VPS53: variants seen among roughly 807,000 people sequenced by gnomAD.
The protein encoded by VPS53 is vacuolar protein sorting-associated protein 53 homolog.
A neutral mutation model predicts 107.0 loss-of-function variants in VPS53; 70 were observed. The ratio of observed to expected loss-of-function variants is 0.65; its 90% CI spans 0.54 to 0.80. The LOEUF is 0.80. Ranked by LOEUF, VPS53 falls within the 30% of genes least tolerant of loss-of-function variation. The pLI is 0.00. For missense variants in VPS53, 917 were observed against 1,049.4 expected (o/e 0.87, Z 1.74); for synonymous variants, 409 against 393.3 (o/e 1.04, Z -0.47).
At position 681,307 on chromosome 17, in the gene VPS53, T is replaced by C. The variant is rs1337568467; in HGVS notation, c.285+16111A>G. 2.0e-5 allele frequency among the ~76,000 whole-genome samples: 3 copies of C among 152,204 alleles called. No individual in the cohort carries two copies. In the East Asian group the frequency reaches 5.8e-4, roughly 29 times the overall value. On this transcript the variant is annotated intron_variant, in intron 4 of 21. Transcript: ENST00000437048. ...GCATGCCACCACACTCAGCTAACTT[T>C]TGTATTTTTAGTAGAGACATGGTTT...
At chr17:608,621 TC>T (rs200531242) in intron 11 of VPS53, among the ~76,000 whole-genome samples, 2,821 of 144,294 alleles carry the variant, frequency 0.02, 71 homozygotes, top group East Asian at 0.065. Context: ...TCTTTTCTTT[TC>T]TTTTTTTTTT....
rs757159297 is a variant in VPS53, at chr17:710,630, G to A, written c.88-17C>T. 2.6e-5 allele frequency: 40 copies of A among 1,564,828 alleles called. No individual in the cohort carries two copies. Among genetic ancestry groups the A allele is most frequent in the Non-Finnish European group, 3.5e-5 (40 of 1,138,524 alleles). On this transcript the variant is annotated splice_polypyrimidine_tract_variant and intron_variant, in intron 1 of 21. Transcript: ENST00000437048. ...TGGAAACACCTATATAGAAAGAGAGGAGTATATATAAAAACATGTAGTATA... is the reference window on the plus strand; with the variant it reads ...TGGAAACACCTATATAGAAAGAGAGAAGTATATATAAAAACATGTAGTATA...
rs1395856883 is a variant in VPS53 at position 524,087 on chromosome 17, T to TC, written c.2086-2350dup. 6.6e-6 allele frequency among the ~76,000 whole-genome samples: 1 copy of TC among 151,914 alleles called. No individual in the cohort carries two copies. The highest frequency in any genetic ancestry group is 2.4e-5 in the African/African-American group (1 of 41,348). ...GCCGAGGCGGGTGGATCATCTGAGG[T>TC]CAGGAGTTCGAGACCAGCCTGGCCA... On this transcript the variant is annotated intron_variant, in intron 19 of 21. Transcript: ENST00000437048. This position sits in a 1 kb window ranked among gnomAD's most constrained non-coding sequence, Gnocchi z 4.5.
chr17:532,688 GA>G, intron 19 of VPS53, 153 bp downstream of exon 19: 1 of 1,413,554 alleles, frequency 7.1e-7, no homozygotes, highest in Non-Finnish European at 9.3e-7. Context: ...ATGGAAGAAC[GA>G]ATTAAGAAAC....
At chr17:662,869 G>GGAAC (rs758009699) in intron 4 of VPS53, among the ~76,000 whole-genome samples, 3 of 102,796 alleles carry the variant, frequency 2.9e-5, no homozygotes, top group African/African-American at 8.9e-5. Context: ...AAGGAAGGAA[G>GGAAC]GAACGAAGGA....
chr17:603,810 G>A (rs897368278), intron 11 of VPS53, among the ~76,000 whole-genome samples: 6 of 152,172 alleles, frequency 3.9e-5, no homozygotes, highest in African/African-American at 1.2e-4. Context: ...CTTCTTAAGG[G>A]CTGCTGATAT....
intron 11 of VPS53, among the ~76,000 whole-genome samples, chr17:614,746 C>G (rs1345282079): frequency 6.6e-6 from 1 of 152,138 alleles, no homozygotes; most frequent in African/African-American, 2.4e-5. Flanking sequence ...TTTGCAAACG[C>G]TCTTACACTC....
intron 13 of VPS53, among the ~76,000 whole-genome samples, chr17:564,918 T>C (rs2151856141): frequency 6.6e-6 from 1 of 152,264 alleles, no homozygotes; most frequent in African/African-American, 2.4e-5. Context: ...GTGTGAAGAA[T>C]GGGAAGGGTT....
At chr17:635,735 T>C (rs1970170881) in intron 7 of VPS53, among the ~76,000 whole-genome samples, 1 of 152,242 alleles carries the variant, frequency 6.6e-6, no homozygotes, top group Non-Finnish European at 1.5e-5. Flanking sequence ...CTGAGGGCTC[T>C]GTTCTGTTCC....
At chr17:659,346 C>T (rs1166877183) in intron 5 of VPS53, among the ~76,000 whole-genome samples, 3 of 152,130 alleles carry the variant, frequency 2.0e-5, no homozygotes, top group Admixed American at 1.3e-4. Flanking sequence ...TGCAGTAGTG[C>T]GATCTTGGTT....
intron 7 of VPS53, among the ~76,000 whole-genome samples, chr17:640,964 C>T (rs1424749000): frequency 6.6e-6 from 1 of 152,074 alleles, no homozygotes; most frequent in African/African-American, 2.4e-5. Flanking sequence ...AAGGGATTCT[C>T]CTGCCTCAGC....
In VPS53 at chr17:511,599, T is replaced by C. The variant is rs916951064; in HGVS notation, c.*7529A>G. 2 of 152,210 alleles carry C rather than the reference T, an allele frequency of 1.3e-5. No individual in the cohort carries two copies. Among genetic ancestry groups the C allele is most frequent in the Admixed American group, 1.3e-4 (2 of 15,280 alleles). The allele number at this position is 152,210 out of a possible 1,614,324, so 9.4% of individuals were successfully genotyped here. On this transcript the variant is annotated 3_prime_UTR_variant, in exon 22 of 22. Coordinates refer to ENST00000437048, the MANE Select transcript of VPS53 (RefSeq NM_001128159.3). ...CAGAAAGGAACTTTTGGGCTGATTA[T>C]AAGGATTCAGCTGGCCTTGGGAAAA...
intron 3 of VPS53, among the ~76,000 whole-genome samples, chr17:697,873 C>T (rs1244422101): frequency 2.6e-5 from 4 of 152,124 alleles, no homozygotes; most frequent in Non-Finnish European, 4.4e-5. Context: ...CCTTATGAGG[C>T]GGAAAGAGCC....
intron 10 of VPS53, among the ~76,000 whole-genome samples, chr17:624,667 T>G (rs953364719): frequency 6.6e-6 from 1 of 152,196 alleles, no homozygotes; most frequent in African/African-American, 2.4e-5. Context: ...GTACTGGCGC[T>G]CACAAGAAAC....
chr17:539,434 AAAG>A (rs1262678431), intron 17 of VPS53, among the ~76,000 whole-genome samples: 2 of 152,246 alleles, frequency 1.3e-5, no homozygotes. Context: ...GGTCAAGCTA[AAAG>A]AAGTATTAGC....
chr17:701,083 G>A (rs1354934216), intron 2 of VPS53, among the ~76,000 whole-genome samples: 2 of 152,132 alleles, frequency 1.3e-5, no homozygotes, highest in East Asian at 3.8e-4. Flanking sequence ...CAGCACTTTG[G>A]GAGGCTAAGG....
At chr17:708,921 G>A (rs1973525130) in intron 2 of VPS53, among the ~76,000 whole-genome samples, 1 of 152,058 alleles carries the variant, frequency 6.6e-6, no homozygotes, top group African/African-American at 2.4e-5. Flanking sequence ...ATTGGAACAG[G>A]TTGTGCCTTC....
In VPS53 at chr17:511,970, G is replaced by T. The variant is rs1436529433; in HGVS notation, c.*7158C>A. 1.3e-5 allele frequency: 2 copies of T among 152,248 alleles called. No homozygotes were observed. Among genetic ancestry groups the T allele is most frequent in the African/African-American group, 4.8e-5 (2 of 41,448 alleles). The allele number at this position is 152,248 out of a possible 1,614,324, so 9.4% of individuals were successfully genotyped here. A position where few individuals can be genotyped will look rare whatever the true frequency, so the allele number is the denominator to read the frequency against. On this transcript the variant is annotated 3_prime_UTR_variant, in exon 22 of 22. Transcript: ENST00000437048. The stretch of plus-strand genomic sequence containing the variant: ...GGCAGCCTCGCCACCAGCCCCAGGA[G>T]GGAGGAAGCTCTCTTCTCAGTGTCT...
At position 517,718 on chromosome 17, in the gene VPS53, G is replaced by A. The variant is rs768406629; in HGVS notation, c.*1410C>T. On this transcript the variant is annotated 3_prime_UTR_variant, in exon 22 of 22. Coordinates refer to ENST00000437048, the MANE Select transcript of VPS53 (RefSeq NM_001128159.3). The stretch of plus-strand genomic sequence containing the variant: ...TTATTTTTAGTTGAGACAGGGTTTC[G>A]CCATGTTGGGCAGGCTGGTCTCGAA... The A allele has an allele frequency of 3.8e-5, 10 of 265,634 alleles. No individual in the cohort carries two copies. The highest frequency in any genetic ancestry group is 5.6e-5 in the Non-Finnish European group (8 of 143,134). The allele number at this position is 265,634 out of a possible 1,614,324, so 16.5% of individuals were successfully genotyped here.
Sources: allele counts gnomAD v4.1 joint callset (sites outside exome capture counted in the v4.1 genomes callset), GRCh38; gene constraint gnomAD v4.1.1; non-coding constraint Gnocchi (gnomAD v3.1); transcripts MANE v1.5; gene names NCBI Gene and HGNC (gene_info 2026-07-23, HGNC 2026-07-21).